DBH: variants seen among roughly 807,000 people sequenced by gnomAD.
DBH encodes dopamine beta-hydroxylase.
Under a neutral mutation model 64.0 loss-of-function variants are expected in DBH, and 49 were observed. That is an observed-to-expected ratio of 0.77 (90% CI 0.61 to 0.97). The LOEUF is 0.97. Ranked by LOEUF, DBH falls within the 50% of genes least tolerant of loss-of-function variation. DBH has a pLI of 0.00. For synonymous variants in DBH, 343 were observed against 347.1 expected (o/e 0.99, Z 0.13); for missense variants, 828 against 826.6 (o/e 1.00, Z -0.02).
chr9:133,639,043 T>TC lies in DBH; in HGVS notation c.340-801dup, dbSNP rs200791930. Among the ~76,000 whole-genome samples, 716 of 152,106 alleles carry TC rather than the reference T, an allele frequency of 4.7e-3. 28 individuals carry two copies. Among genetic ancestry groups the TC allele is most frequent in the Admixed American group, 0.041 (629 of 15,278 alleles). ...CCTCCCTGGGCCTCAGTTTACCTTC[T>TC]CCAAGCAGGGCTGGGACTAAGGTGA... On this transcript the variant is annotated intron_variant, in intron 1 of 11. Coordinates refer to ENST00000393056, the MANE Select transcript of DBH (RefSeq NM_000787.4).
At chr9:133,648,053 C>A in intron 6 of DBH, 41 bp downstream of exon 6, 1 of 1,585,418 alleles carries the variant, frequency 6.3e-7, no homozygotes, top group East Asian at 2.3e-5. Flanking sequence ...TCCCTCCTCC[C>A]GCGTCCCTCA....
chr9:133,639,869 G>T lies in DBH; in HGVS notation c.363G>T (p.Gly121=), dbSNP rs763997950. 6.2e-6 allele frequency: 10 copies of T among 1,611,974 alleles called. No homozygotes were observed. The East Asian group carries it at 2.0e-4, about 32-fold the overall frequency. Residue 121 remains glycine, a synonymous_variant, in exon 2 of 12, where the codon GGG becomes GGT. Transcript: ENST00000393056. ...YFADAWSDQK[G]QIHLDPQQDY... ...AGGACGCCTGGAGTGACCAGAAGGG[G>T]CAGATCCACCTGGATCCCCAGCAGG...
At position 133,641,503 on chromosome 9, in the gene DBH, C is replaced by T. The variant is rs1036034641; in HGVS notation, c.487-704C>T. ...TGCACAGGGCGGCCCATCGGCTTTC[C>T]GCAAACTCAAAGAGCAAATTAGCCA... On this transcript the variant is annotated intron_variant, in intron 2 of 11. Transcript: ENST00000393056. 5.9e-5 allele frequency among the ~76,000 whole-genome samples: 9 copies of T among 152,332 alleles called. No individual in the cohort carries two copies. The East Asian group carries it at 1.2e-3, about 20-fold the overall frequency.
intron 1 of DBH, among the ~76,000 whole-genome samples, chr9:133,637,865 A>C (rs3025387): frequency 1.3e-5 from 2 of 151,770 alleles, no homozygotes; most frequent in African/African-American, 4.9e-5. Flanking sequence ...TCTGACCCAT[A>C]GGGCTGCACA....
intron 2 of DBH, among the ~76,000 whole-genome samples, chr9:133,641,052 C>T (rs747534594): frequency 1.3e-5 from 2 of 152,040 alleles, no homozygotes; most frequent in African/African-American, 4.8e-5. Flanking sequence ...AGGATATGGG[C>T]TTGGGACGGG....
intron 3 of DBH, among the ~76,000 whole-genome samples, chr9:133,642,976 G>C (rs1165277953): frequency 4.6e-5 from 7 of 152,150 alleles, no homozygotes; most frequent in Non-Finnish European, 1.5e-5. Context: ...AGTGTCCAGG[G>C]TCACATAGCA....
intron 9 of DBH, chr9:133,655,120 C>T (rs112729928): frequency 0.027 from 4,114 of 152,486 alleles, 84 homozygotes; most frequent in Non-Finnish European, 0.041. Context: ...TCGGTGCCAG[C>T]GTCCCCGTGG....
chr9:133,657,382 A>ACAGC (rs539930411), intron 11 of DBH, 153 bp downstream of exon 11: 14 of 731,042 alleles, frequency 1.9e-5, no homozygotes, highest in African/African-American at 1.6e-4. Flanking sequence ...ATAGGCCTAG[A>ACAGC]CAGCCAGCCA....
At position 133,652,252 on chromosome 9, in the gene DBH, C is replaced by T. The variant is rs769684460; in HGVS notation, c.1342C>T (p.Arg448Cys). Residue 448 changes from arginine (R) to cysteine (C), a missense_variant, in exon 8 of 12, where the codon CGC becomes TGC. By Grantham distance (180) the Arg-to-Cys change is radical. Coordinates refer to ENST00000393056, the MANE Select transcript of DBH (RefSeq NM_000787.4). Reference sequence around the variant, plus strand: ...TCGGCTCTGCCTGCCCCAGGAGATCCGCATGTTGAAGAAGGTCGTGTCGGT... The same window carrying T: ...TCGGCTCTGCCTGCCCCAGGAGATCTGCATGTTGAAGAAGGTCGTGTCGGT... ...NHYSPHFQEIRMLKKVVSVHP... is the reference protein window; with the variant it reads ...NHYSPHFQEICMLKKVVSVHP... 1.3e-5 allele frequency: 21 copies of T among 1,613,734 alleles called. No homozygotes were observed. Among genetic ancestry groups the T allele is most frequent in the African/African-American group, 2.7e-5 (2 of 74,912 alleles).
intron 6 of DBH, among the ~76,000 whole-genome samples, chr9:133,650,442 C>CTTGTT (rs59091279): frequency 6.6e-6 from 1 of 150,572 alleles, no homozygotes; most frequent in Non-Finnish European, 1.5e-5. Flanking sequence ...TCCTTCTTTC[C>CTTGTT]TTCTTTTCTT....
chr9:133,658,539 G>GGGGGAT lies in DBH; in HGVS notation c.*92_*93insGGGGAT. The GGGGGAT allele has an allele frequency of 7.3e-7, 1 of 1,376,856 alleles. No individual in the cohort carries two copies. The highest frequency in any genetic ancestry group is 9.7e-7 in the Non-Finnish European group (1 of 1,033,544). 85.3% of individuals were successfully genotyped at this position (1,376,856 alleles called of 1,614,324 possible). A position where few individuals can be genotyped will look rare whatever the true frequency, so the allele number is the denominator to read the frequency against. On this transcript the variant is annotated 3_prime_UTR_variant, in exon 12 of 12. Coordinates refer to ENST00000393056, the MANE Select transcript of DBH (RefSeq NM_000787.4). Reference sequence around the variant, plus strand: ...ACTCTGCGACGATCCCCATGGAACAGCCCTGCACGCCCAGGATGAAGGGGC... The same window carrying GGGGGAT: ...ACTCTGCGACGATCCCCATGGAACAGGGGGATCCCTGCACGCCCAGGATGAAGGGGC...
At chr9:133,649,332 C>T (rs957877955) in intron 6 of DBH, among the ~76,000 whole-genome samples, 6 of 152,180 alleles carry the variant, frequency 3.9e-5, no homozygotes, top group Admixed American at 1.3e-4. Flanking sequence ...CTCACAGTGA[C>T]CTGCAAAGTA....
At chr9:133,644,150 T>A in intron 4 of DBH, 68 bp from the exon 5 acceptor site, 1 of 1,199,134 alleles carries the variant, frequency 8.3e-7, no homozygotes. Context: ...GTTGACTGGG[T>A]TTGCCCCTGC....
At chr9:133,654,891 A>G (rs902144649) in intron 9 of DBH, 2 of 152,122 alleles carry the variant, frequency 1.3e-5, no homozygotes, top group African/African-American at 2.4e-5. Flanking sequence ...CAGGTGGAGC[A>G]CCCCAGGCAA....
intron 9 of DBH, among the ~76,000 whole-genome samples, chr9:133,653,358 G>A (rs992033104): frequency 6.6e-6 from 1 of 152,166 alleles, no homozygotes; most frequent in African/African-American, 2.4e-5. Flanking sequence ...TAGGACAAGA[G>A]GTTGACCTTT....
chr9:133,650,324 C>T (rs1388131384), intron 6 of DBH, among the ~76,000 whole-genome samples: 7 of 152,154 alleles, frequency 4.6e-5, no homozygotes, highest in Non-Finnish European at 1.0e-4. Flanking sequence ...AGCTCTGGGA[C>T]CTGCTGACTG....
At chr9:133,641,707 C>T (rs572298097) in intron 2 of DBH, among the ~76,000 whole-genome samples, 1 of 152,302 alleles carries the variant, frequency 6.6e-6, no homozygotes, top group South Asian at 2.1e-4. Context: ...CTGCTTGGTC[C>T]CCTCCTGCCA....
At position 133,658,835 on chromosome 9, in the gene DBH, ACGCCCC is replaced by A. The variant is rs555745963; in HGVS notation, c.*401_*406del. ...GGGCCGGGGTGTGGAATCACCGGGA[ACGCCCC>A]CGCCCCCGCCCCGCTGCTCCCGGTG... On this transcript the variant is annotated 3_prime_UTR_variant, in exon 12 of 12. Transcript: ENST00000393056. 124 of 160,362 alleles carry A rather than the reference ACGCCCC, an allele frequency of 7.7e-4. No individual in the cohort carries two copies. Among genetic ancestry groups the A allele is most frequent in the African/African-American group, 9.6e-4 (40 of 41,826 alleles). The allele number at this position is 160,362 out of a possible 1,614,324, so 9.9% of individuals were successfully genotyped here. A position where few individuals can be genotyped will look rare whatever the true frequency, so the allele number is the denominator to read the frequency against.
rs1322194341 is a variant in DBH, at chr9:133,636,478, C to T, written c.107C>T (p.Ala36Val). 5.0e-6 allele frequency: 8 copies of T among 1,613,064 alleles called. No homozygotes were observed. In the South Asian group the frequency reaches 7.7e-5, roughly 15 times the overall value. ...ATCTTCCTGGTCATCCTGGTGGCCG[C>T]ACTGCAGGGCTCGGCTCCCCGTGAG... is the stretch of plus-strand genomic sequence containing the variant. ...VAIFLVILVA[A>V]LQGSAPRESP... is the part of the protein sequence containing the mutation. The change falls in exon 1 of 12, where the codon GCA (alanine) becomes GTA (valine). Residue 36 changes from alanine (A) to valine (V), a missense_variant. By Grantham distance (64) the Ala-to-Val change is moderately conservative. Transcript: ENST00000393056.
Sources: allele counts gnomAD v4.1 joint callset (sites outside exome capture counted in the v4.1 genomes callset), GRCh38; gene constraint gnomAD v4.1.1; transcripts MANE v1.5; gene names NCBI Gene and HGNC (gene_info 2026-07-23, HGNC 2026-07-21).